P3H1: variants seen among roughly 807,000 people sequenced by gnomAD.
P3H1 encodes prolyl 3-hydroxylase 1.
A neutral mutation model predicts 84.0 loss-of-function variants in P3H1; 69 were observed. The ratio of observed to expected loss-of-function variants is 0.82; its 90% CI spans 0.68 to 1.00. The LOEUF is 1.00. P3H1 is among the 50% of genes least tolerant of loss of function. The probability of loss-of-function intolerance (pLI) is 0.00; values close to 1 mark genes in which losing one functional copy is unlikely to be tolerated. For synonymous variants in P3H1, 366 were observed against 388.8 expected (o/e 0.94, Z 0.69); for missense variants, 878 against 962.8 (o/e 0.91, Z 1.17).
At chr1:42,752,407 C>A (rs748739264) in intron 9 of P3H1, 38 bp from the exon 10 acceptor site, 85 of 1,610,686 alleles carry the variant, frequency 5.3e-5, no homozygotes, top group East Asian at 8.9e-5. Flanking sequence ...TTAGCCAGGG[C>A]AGCTGAGGGC....
intron 4 of P3H1, among the ~76,000 whole-genome samples, chr1:42,758,441 G>A (rs1652521801): frequency 6.6e-6 from 1 of 152,226 alleles, no homozygotes. Context: ...TTAGCACACA[G>A]TAGGGACTCT....
intron 8 of P3H1, among the ~76,000 whole-genome samples, chr1:42,753,771 A>C (rs1229369856): frequency 6.6e-6 from 1 of 151,998 alleles, no homozygotes; most frequent in Non-Finnish European, 1.5e-5. Flanking sequence ...AAATACAAAA[A>C]AATTAGCCAG....
At chr1:42,755,450 A>C in intron 6 of P3H1, 98 bp downstream of exon 6, 1 of 1,159,934 alleles carries the variant, frequency 8.6e-7, no homozygotes. Flanking sequence ...GCCTCCAGCA[A>C]GTTTTCTCTC....
chr1:42,750,951 G>A (rs1203369795), intron 10 of P3H1, among the ~76,000 whole-genome samples: 2 of 128,688 alleles, frequency 1.6e-5, no homozygotes, highest in African/African-American at 3.0e-5. Context: ...TGGTGGGGGG[G>A]TCAGCCCCCC....
Position 42,747,273 on chromosome 1 carries a change from C to G in P3H1, c.2054G>C (p.Arg685Pro), listed in dbSNP as rs376514633. ...CTCACCCGCTCGAGCTGCTCTCACC[C>G]GCTCGCTGTGTCGAGGGTCCAGGGT... ...WFTLDPRHSE[R>P]DRVQADDLVK... Residue 685 changes from arginine to proline, a missense_variant and splice_region_variant, in exon 14 of 15, where the codon CGG becomes CCG. Physicochemically the swap from Arg to Pro is moderately radical, Grantham distance 103. Coordinates refer to ENST00000296388, the MANE Select transcript of P3H1 (RefSeq NM_022356.4). The G allele has an allele frequency of 1.9e-6, 3 of 1,614,090 alleles. No homozygotes were observed. Among genetic ancestry groups the G allele is most frequent in the South Asian group, 2.2e-5 (2 of 91,086 alleles).
Position 42,762,437 on chromosome 1 carries a change from G to A in P3H1, c.504C>T (p.Thr168=), listed in dbSNP as rs889145309. The change falls in exon 2 of 15, where the codon ACC becomes ACT. Residue 168 remains threonine (T), a synonymous_variant. Coordinates refer to ENST00000296388, the MANE Select transcript of P3H1 (RefSeq NM_022356.4). ...KLEKAVAAAH[T]FFVGNPEHME... ...TGTGCTCAGGATTGCCCACGAAGAA[G>A]GTGTGTGCTGCAGCAACAGCTTTCT... The A allele has an allele frequency of 6.2e-7, 1 of 1,614,116 alleles. No individual in the cohort carries two copies. The highest frequency in any genetic ancestry group is 8.5e-7 in the Non-Finnish European group (1 of 1,179,978).
At chr1:42,757,392 G>T (rs1291593783) in intron 5 of P3H1, among the ~76,000 whole-genome samples, 1 of 152,124 alleles carries the variant, frequency 6.6e-6, no homozygotes, top group Non-Finnish European at 1.5e-5. Context: ...AGATGGGAAA[G>T]AAAATGGAGA....
chr1:42,750,221 G>C lies in P3H1; in HGVS notation c.1685C>G (p.Ser562Cys), dbSNP rs1651954957. ...YFRLDTPLYF[S>C]YSHLVCRTAI... ...AGTGCGGCACACCAGATGAGAGTAGGAAAAGTAGAGGGGCGTATCCAGGCG... is the reference window on the plus strand; with the variant it reads ...AGTGCGGCACACCAGATGAGAGTAGCAAAAGTAGAGGGGCGTATCCAGGCG... The change falls in exon 11 of 15, where the codon TCC (serine) becomes TGC (cysteine). Residue 562 changes from serine (S) to cysteine (C), a missense_variant. Coordinates refer to ENST00000296388, the MANE Select transcript of P3H1 (RefSeq NM_022356.4). 2 of 1,613,716 alleles carry C rather than the reference G, an allele frequency of 1.2e-6. 1 individual carries two copies. The highest frequency in any genetic ancestry group is 1.7e-6 in the Non-Finnish European group (2 of 1,179,840).
chr1:42,766,380 T>A, intron 1 of P3H1, 127 bp downstream of exon 1: 2 of 837,618 alleles, frequency 2.4e-6, no homozygotes, highest in South Asian at 1.5e-5. Flanking sequence ...CGAGGAGAGC[T>A]CCCCAGCCAG....
rs1652568948 is a variant in P3H1, at chr1:42,759,243, T to TGTAGCCATCGTAGTC, written c.751_765dup (p.Asp251_Tyr255dup). 1 of 1,614,146 alleles carries TGTAGCCATCGTAGTC rather than the reference T, an allele frequency of 6.2e-7. No homozygotes were observed. Among genetic ancestry groups the TGTAGCCATCGTAGTC allele is most frequent in the African/African-American group, 1.3e-5 (1 of 75,030 alleles). On this transcript the variant is annotated inframe_insertion, in exon 3 of 15. Coordinates refer to ENST00000296388, the MANE Select transcript of P3H1 (RefSeq NM_022356.4). The stretch of plus-strand genomic sequence containing the variant: ...AGGTCAGCGTTGTACTCAAGGTAGT[T>TGTAGCCATCGTAGTC]GTAGCCATCGTAGTCATAGGGCCCT...
chr1:42,750,402 CA>C, intron 10 of P3H1, 66 bp from the exon 11 acceptor site: 6 of 1,568,466 alleles, frequency 3.8e-6, no homozygotes, highest in Non-Finnish European at 5.2e-6. Flanking sequence ...TGTCCCTACC[CA>C]AATCTTATCT....
chr1:42,746,711 T>C lies in P3H1; in HGVS notation c.2197A>G (p.Lys733Glu). 1 of 1,551,760 alleles carries C rather than the reference T, an allele frequency of 6.4e-7. No homozygotes were observed. Among genetic ancestry groups the C allele is most frequent in the South Asian group, 1.2e-5 (1 of 84,074 alleles). ...CCTGGACGCTGTCATAGCTCATCCT[T>C]GGGCTTCGATTCACTGCCTGAGAGA... The part of the protein sequence containing the change: ...ESLSGSESKP[K>E]DEL The change falls in exon 15 of 15, where the codon AAG (lysine) becomes GAG (glutamate). Residue 733 changes from lysine to glutamate, a missense_variant. Coordinates refer to ENST00000296388, the MANE Select transcript of P3H1 (RefSeq NM_022356.4).
chr1:42,755,518 C>T (rs1557569426), intron 6 of P3H1, 30 bp downstream of exon 6: 1 of 1,566,634 alleles, frequency 6.4e-7, no homozygotes, highest in East Asian at 2.2e-5. Context: ...TCTTTCCCCG[C>T]TCCCTTCCGG....
At chr1:42,763,947 A>T (rs1273318025) in intron 1 of P3H1, among the ~76,000 whole-genome samples, 1 of 151,774 alleles carries the variant, frequency 6.6e-6, no homozygotes, top group Non-Finnish European at 1.5e-5. Flanking sequence ...GTTTGAGACC[A>T]GCGGATCATG....
At chr1:42,755,042 C>T in intron 7 of P3H1, 52 bp from the exon 8 acceptor site, 1 of 1,614,076 alleles carries the variant, frequency 6.2e-7, no homozygotes, top group Non-Finnish European at 8.5e-7. Context: ...CCCTGGGCTC[C>T]ACCCCGACTT....
chr1:42,747,826 G>A, intron 12 of P3H1, 28 bp from the exon 13 acceptor site: 1 of 1,602,464 alleles, frequency 6.2e-7, no homozygotes, highest in Non-Finnish European at 8.6e-7. Flanking sequence ...ATCTCATCAT[G>A]GCCCTTCCCT....
chr1:42,753,100 T>A (rs1397784481), intron 8 of P3H1, among the ~76,000 whole-genome samples: 1 of 152,216 alleles, frequency 6.6e-6, no homozygotes, highest in Non-Finnish European at 1.5e-5. Flanking sequence ...TTGATGCCAG[T>A]ATAATGTTAA....
intron 4 of P3H1, among the ~76,000 whole-genome samples, chr1:42,758,422 T>C (rs1216729492): frequency 6.6e-6 from 1 of 152,246 alleles, no homozygotes; most frequent in Non-Finnish European, 1.5e-5. Flanking sequence ...ATCAATATGT[T>C]TGTAATGCTT....
At chr1:42,758,069 G>A in intron 4 of P3H1, 147 bp from the exon 5 acceptor site, 1 of 784,164 alleles carries the variant, frequency 1.3e-6, no homozygotes, top group South Asian at 1.4e-5. Flanking sequence ...TTAACATGAT[G>A]GCCTGATTTC....
Sources: gnomAD v4.1 joint callset for allele counts (sites outside exome capture counted in the v4.1 genomes callset) on GRCh38, gnomAD v4.1.1 for gene constraint, MANE v1.5 for transcripts, NCBI Gene and HGNC (gene_info 2026-07-23, HGNC 2026-07-21) for gene names.